NRF1: variants seen among roughly 807,000 people sequenced by gnomAD.
The protein encoded by NRF1 is nuclear respiratory factor 1.
Under a neutral mutation model 58.5 loss-of-function variants are expected in NRF1, and 5 were observed. The observed-to-expected ratio is 0.09, with a 90% CI of 0.04 to 0.18. The LOEUF is 0.18. Ranked by LOEUF, NRF1 falls within the 10% of genes least tolerant of loss-of-function variation. The probability of loss-of-function intolerance (pLI) is 1.00; values close to 1 mark genes in which losing one functional copy is unlikely to be tolerated. For missense variants in NRF1, 288 were observed against 657.7 expected (o/e 0.44, Z 6.15); for synonymous variants, 224 against 246.7 (o/e 0.91, Z 0.86).
At chr7:129,743,101 CTG>C (rs1021272927) in intron 10 of NRF1, among the ~76,000 whole-genome samples, 3 of 151,782 alleles carry the variant, frequency 2.0e-5, no homozygotes, top group Non-Finnish European at 4.4e-5. Flanking sequence ...GTTACCTAGA[CTG>C]TGTTCTTTTT....
intron 10 of NRF1, among the ~76,000 whole-genome samples, chr7:129,731,240 C>T (rs1437142962): frequency 5.3e-5 from 8 of 150,888 alleles, no homozygotes; most frequent in East Asian, 1.9e-4. Flanking sequence ...CACTGCACTC[C>T]GGCCTGGGCG....
intron 1 of NRF1, among the ~76,000 whole-genome samples, chr7:129,636,537 T>A (rs763754930): frequency 6.6e-6 from 1 of 152,238 alleles, no homozygotes; most frequent in Non-Finnish European, 1.5e-5. Flanking sequence ...CGTCAGCCAC[T>A]GCACCTGGCT....
At chr7:129,721,163 T>C (rs1018992056) in intron 9 of NRF1, among the ~76,000 whole-genome samples, 4 of 152,172 alleles carry the variant, frequency 2.6e-5, no homozygotes, top group Non-Finnish European at 5.9e-5. Flanking sequence ...CCTGGACTTG[T>C]AGTTCCTCTT....
At chr7:129,746,902 T>C (rs529784341) in intron 10 of NRF1, among the ~76,000 whole-genome samples, 3 of 152,384 alleles carry the variant, frequency 2.0e-5, no homozygotes, top group African/African-American at 7.2e-5. Context: ...GATATTTCCA[T>C]GACCACCTTG....
chr7:129,618,415 G>C (rs1800700031), intron 1 of NRF1, among the ~76,000 whole-genome samples: 1 of 152,208 alleles, frequency 6.6e-6, no homozygotes, highest in Non-Finnish European at 1.5e-5. Context: ...ACTGCAGAAA[G>C]CCAGGCATGG....
intron 10 of NRF1, among the ~76,000 whole-genome samples, chr7:129,732,856 C>G (rs1803615611): frequency 6.6e-6 from 1 of 152,156 alleles, no homozygotes; most frequent in African/African-American, 2.4e-5. Flanking sequence ...CCCGCCTCAG[C>G]CTCCCAAAGT....
chr7:129,706,279 G>A (rs1802948432), intron 5 of NRF1, among the ~76,000 whole-genome samples: 1 of 152,174 alleles, frequency 6.6e-6, no homozygotes, highest in African/African-American at 2.4e-5. Context: ...TTGAGCATTG[G>A]AGCTATGTAG....
chr7:129,666,052 G>A (rs1250585889), intron 2 of NRF1, among the ~76,000 whole-genome samples: 2 of 152,178 alleles, frequency 1.3e-5, no homozygotes, highest in African/African-American at 4.8e-5. Flanking sequence ...GATAGTTTTG[G>A]TAAATTGTGC....
intron 10 of NRF1, among the ~76,000 whole-genome samples, chr7:129,729,996 C>T (rs1219410299): frequency 7.2e-5 from 11 of 152,008 alleles, no homozygotes; most frequent in Admixed American, 4.6e-4. Context: ...TGCCACACCA[C>T]GCCCAGATAA....
chr7:129,735,346 A>G, intron 10 of NRF1: 1 of 465,630 alleles, frequency 2.1e-6, no homozygotes, highest in Non-Finnish European at 2.8e-6. Context: ...CCTGGCCAAT[A>G]TGGTGAAACC....
At chr7:129,653,476 A>T (rs1362561565) in intron 1 of NRF1, among the ~76,000 whole-genome samples, 1 of 152,172 alleles carries the variant, frequency 6.6e-6, no homozygotes, top group African/African-American at 2.4e-5. Context: ...TCCATAGTTT[A>T]CATTAGGGTT....
intron 2 of NRF1, among the ~76,000 whole-genome samples, chr7:129,664,553 T>A (rs962512107): frequency 6.6e-6 from 1 of 152,220 alleles, no homozygotes; most frequent in Non-Finnish European, 1.5e-5. Flanking sequence ...TTGAAATGTT[T>A]GTAAAATATA....
chr7:129,735,316 G>A, intron 10 of NRF1: 2 of 807,872 alleles, frequency 2.5e-6, no homozygotes, highest in Non-Finnish European at 3.0e-6. Context: ...CGGATCACAA[G>A]GTCAGGAGTT....
chr7:129,720,802 C>A (rs567545245), intron 9 of NRF1, among the ~76,000 whole-genome samples: 1 of 152,240 alleles, frequency 6.6e-6, no homozygotes, highest in African/African-American at 2.4e-5. Context: ...CTTTAGCCCA[C>A]CCTGGCTTTC....
chr7:129,665,090 G>A (rs946966339), intron 2 of NRF1, among the ~76,000 whole-genome samples: 1 of 152,230 alleles, frequency 6.6e-6, no homozygotes, highest in African/African-American at 2.4e-5. Context: ...TGAGGAGGAA[G>A]GTTGTGACTG....
intron 1 of NRF1, among the ~76,000 whole-genome samples, chr7:129,620,619 C>G (rs1348123454): frequency 6.6e-6 from 1 of 152,142 alleles, no homozygotes; most frequent in East Asian, 1.9e-4. Flanking sequence ...AATTCCTGAC[C>G]TTGTGATCCG....
intron 1 of NRF1, among the ~76,000 whole-genome samples, chr7:129,653,974 T>C (rs1003258061): frequency 3.9e-5 from 6 of 152,230 alleles, no homozygotes; most frequent in Non-Finnish European, 1.5e-5. Context: ...TTTCAACTCC[T>C]TTGGGTCAAT....
At chr7:129,649,730 T>C (rs1457963546) in intron 1 of NRF1, among the ~76,000 whole-genome samples, 1 of 152,198 alleles carries the variant, frequency 6.6e-6, no homozygotes, top group African/African-American at 2.4e-5. Flanking sequence ...TCTTGTAGTT[T>C]ATATTATAAA....
At chr7:129,663,252 C>G (rs1000733320) in intron 2 of NRF1, among the ~76,000 whole-genome samples, 2 of 152,248 alleles carry the variant, frequency 1.3e-5, no homozygotes, top group African/African-American at 4.8e-5. Flanking sequence ...ATGGCCCGCT[C>G]TCGATGGTCG....
Sources: gnomAD v4.1 joint callset for allele counts (sites outside exome capture counted in the v4.1 genomes callset) on GRCh38, gnomAD v4.1.1 for gene constraint, MANE v1.5 for transcripts, NCBI Gene and HGNC (gene_info 2026-07-23, HGNC 2026-07-21) for gene names.